ARHGEF28: variants seen among roughly 807,000 people sequenced by gnomAD.
ARHGEF28 encodes the protein Rho guanine nucleotide exchange factor 28.
ARHGEF28 carries 152 observed loss-of-function variants against 206.6 expected under a neutral mutation model. That is an observed-to-expected ratio of 0.74 (90% CI 0.64 to 0.84). ARHGEF28 has a LOEUF of 0.84. ARHGEF28 is among the 40% of genes least tolerant of loss of function. ARHGEF28 has a pLI of 0.00. For missense variants in ARHGEF28, 2,028 were observed against 2,073.2 expected (o/e 0.98, Z 0.42); for synonymous variants, 763 against 776.4 (o/e 0.98, Z 0.29).
At chr5:73,805,181 T>C (rs1478605178) in intron 9 of ARHGEF28, among the ~76,000 whole-genome samples, 1 of 152,196 alleles carries the variant, frequency 6.6e-6, no homozygotes, top group East Asian at 1.9e-4. Flanking sequence ...TTACATATCA[T>C]CAACATTGTA....
chr5:73,740,593 C>G (rs999482338), intron 2 of ARHGEF28, among the ~76,000 whole-genome samples: 7 of 152,146 alleles, frequency 4.6e-5, no homozygotes, highest in Admixed American at 4.6e-4. Context: ...ATGATAGACC[C>G]TCAGATATTT....
chr5:73,715,761 G>A (rs985876318), intron 2 of ARHGEF28, among the ~76,000 whole-genome samples: 3 of 152,186 alleles, frequency 2.0e-5, no homozygotes, highest in Admixed American at 6.5e-5. Flanking sequence ...GTGATACGCT[G>A]TTCACTTGCA....
chr5:73,895,694 CCGG>C (rs1761923129), intron 29 of ARHGEF28, among the ~76,000 whole-genome samples: 1 of 152,120 alleles, frequency 6.6e-6, no homozygotes, highest in African/African-American at 2.4e-5. Flanking sequence ...TTTAGTTTTA[CCGG>C]AACTTAGCCA....
chr5:73,867,760 C>T, intron 18 of ARHGEF28, 116 bp from the exon 19 acceptor site: 2 of 1,349,022 alleles, frequency 1.5e-6, no homozygotes, highest in Non-Finnish European at 2.0e-6. Flanking sequence ...TAAGGCAGAG[C>T]ATGCATCAGA....
chr5:73,635,407 C>T (rs1055576973), intron 1 of ARHGEF28, among the ~76,000 whole-genome samples: 2 of 152,046 alleles, frequency 1.3e-5, no homozygotes, highest in African/African-American at 4.8e-5. Context: ...ATAGCACACA[C>T]CTAGGAATCA....
intron 1 of ARHGEF28, among the ~76,000 whole-genome samples, chr5:73,678,828 C>T (rs1455576342): frequency 1.3e-5 from 2 of 151,994 alleles, no homozygotes; most frequent in Non-Finnish European, 1.5e-5. Context: ...TAGCATGTAC[C>T]CTATTTAATG....
At chr5:73,626,599 C>T (rs1042934211) in intron 1 of ARHGEF28, among the ~76,000 whole-genome samples, 3 of 152,098 alleles carry the variant, frequency 2.0e-5, no homozygotes, top group African/African-American at 4.8e-5. Flanking sequence ...GCACTGAGAG[C>T]CGGGGGCTGG....
At chr5:73,927,375 A>T (rs1383013979) in intron 35 of ARHGEF28, among the ~76,000 whole-genome samples, 1 of 152,174 alleles carries the variant, frequency 6.6e-6, no homozygotes, top group Non-Finnish European at 1.5e-5. Flanking sequence ...TCTTAAAAAA[A>T]CCTTTCTTTA....
chr5:73,939,890 A>AT (rs1049384263), intron 35 of ARHGEF28, among the ~76,000 whole-genome samples: 7 of 151,958 alleles, frequency 4.6e-5, no homozygotes, highest in South Asian at 2.1e-4. Flanking sequence ...TGTTCTTTAA[A>AT]TTTTTTTTTA....
At chr5:73,649,296 G>C (rs1744644732) in intron 1 of ARHGEF28, among the ~76,000 whole-genome samples, 1 of 152,164 alleles carries the variant, frequency 6.6e-6, no homozygotes, top group Admixed American at 6.5e-5. Flanking sequence ...GAGGTGGGGA[G>C]TGGAAGGGGG....
chr5:73,740,291 CTA>C (rs1751307364), intron 2 of ARHGEF28, among the ~76,000 whole-genome samples: 2 of 151,882 alleles, frequency 1.3e-5, no homozygotes, highest in Non-Finnish European at 2.9e-5. Flanking sequence ...ATTAATCAAT[CTA>C]GAATTATATA....
chr5:73,724,931 G>A (rs565392932), intron 2 of ARHGEF28, among the ~76,000 whole-genome samples: 5 of 152,156 alleles, frequency 3.3e-5, no homozygotes, highest in East Asian at 1.9e-4. Flanking sequence ...TTTCTAGGTC[G>A]TATGGTAAGT....
At chr5:73,787,257 A>G (rs1001445260) in intron 7 of ARHGEF28, among the ~76,000 whole-genome samples, 15 of 152,220 alleles carry the variant, frequency 9.9e-5, no homozygotes, top group African/African-American at 3.4e-4. Context: ...ACACAGCTCT[A>G]CCTTGACTCT....
chr5:73,638,236 A>G (rs1743850895), intron 1 of ARHGEF28, among the ~76,000 whole-genome samples: 1 of 152,252 alleles, frequency 6.6e-6, no homozygotes, highest in Non-Finnish European at 1.5e-5. Context: ...CTCAAATATT[A>G]TCAAACAGAA....
chr5:73,730,534 ATTTTTTTTTT>A (rs968990208), intron 2 of ARHGEF28, among the ~76,000 whole-genome samples: 2 of 117,396 alleles, frequency 1.7e-5, no homozygotes, highest in Non-Finnish European at 3.4e-5. Flanking sequence ...CATAAGGAGG[ATTTTTTTTTT>A]TTTTTTTTTT....
At chr5:73,798,050 C>G (rs1754926667) in intron 9 of ARHGEF28, among the ~76,000 whole-genome samples, 1 of 152,120 alleles carries the variant, frequency 6.6e-6, no homozygotes, top group Admixed American at 6.5e-5. Context: ...CTTTCTCCTT[C>G]TAGAAGTGTT....
intron 2 of ARHGEF28, among the ~76,000 whole-genome samples, chr5:73,723,281 C>T (rs1398412069): frequency 1.3e-5 from 2 of 152,126 alleles, no homozygotes; most frequent in Admixed American, 6.5e-5. Flanking sequence ...CTCTGCCTCC[C>T]GGGTTCAAGC....
At chr5:73,654,628 A>T (rs569297766) in intron 1 of ARHGEF28, among the ~76,000 whole-genome samples, 1 of 152,326 alleles carries the variant, frequency 6.6e-6, no homozygotes, top group South Asian at 2.1e-4. Flanking sequence ...GAACTCATTG[A>T]CCTTGGGGAA....
chr5:73,688,635 T>A (rs6874316), intron 2 of ARHGEF28, among the ~76,000 whole-genome samples: 69,913 of 151,900 alleles, frequency 0.46, 17,108 homozygotes, highest in East Asian at 0.78. Flanking sequence ...TTTTTTCTTT[T>A]TGGGGAGAGA....
Sources: gnomAD v4.1 joint callset for allele counts (sites outside exome capture counted in the v4.1 genomes callset) on GRCh38, gnomAD v4.1.1 for gene constraint, MANE v1.5 for transcripts, NCBI Gene and HGNC (gene_info 2026-07-23, HGNC 2026-07-21) for gene names.